Variants in MAP3K3 observed in about 807,000 individuals in gnomAD.
MAP3K3 encodes the protein MAP/ERK kinase kinase 3.
In MAP3K3, 12 loss-of-function variants were observed where a neutral mutation model predicts 80.9. The observed-to-expected ratio is 0.15, with a 90% CI of 0.10 to 0.24. The LOEUF (loss-of-function observed/expected upper bound fraction) is 0.24. Ranked by LOEUF, MAP3K3 falls within the 10% of genes least tolerant of loss-of-function variation. MAP3K3 has a pLI of 1.00. For missense variants in MAP3K3, 596 were observed against 834.7 expected (o/e 0.71, Z 3.52); for synonymous variants, 272 against 307.1 (o/e 0.89, Z 1.19).
At chr17:63,642,256 A>G (rs1334256266) in intron 2 of MAP3K3, among the ~76,000 whole-genome samples, 1 of 152,210 alleles carries the variant, frequency 6.6e-6, no homozygotes, top group African/African-American at 2.4e-5. Flanking sequence ...CCCTTTCTGA[A>G]TAAATTCATG....
chr17:63,626,071 G>A (rs1324312429), intron 1 of MAP3K3, among the ~76,000 whole-genome samples: 1 of 152,152 alleles, frequency 6.6e-6, no homozygotes, highest in African/African-American at 2.4e-5. Context: ...GAGAGACCCT[G>A]TCTCTAAAAC....
rs1219040411 is a variant in MAP3K3 at position 63,622,753 on chromosome 17, C to T, written c.-7C>T. On this transcript the variant is annotated 5_prime_UTR_variant, in exon 1 of 16. Transcript: ENST00000361733. ...GGACCTTAGCCACCGCCGCCGCCATCGCCACCATGGGTAAGTGTCGCCACC... is the reference window on the plus strand; with the variant it reads ...GGACCTTAGCCACCGCCGCCGCCATTGCCACCATGGGTAAGTGTCGCCACC... 1 of 528,178 alleles carries T rather than the reference C, an allele frequency of 1.9e-6. No individual in the cohort carries two copies. The highest frequency in any genetic ancestry group is 3.6e-6 in the Non-Finnish European group (1 of 274,650). The allele number at this position is 528,178 out of a possible 1,614,324, so 32.7% of individuals were successfully genotyped here.
intron 3 of MAP3K3, among the ~76,000 whole-genome samples, chr17:63,648,587 A>G (rs2034585831): frequency 6.6e-6 from 1 of 152,164 alleles, no homozygotes; most frequent in Non-Finnish European, 1.5e-5. Flanking sequence ...GCACTTTGGG[A>G]GGCTGAGGCG....
At chr17:63,626,470 G>C (rs1353605742) in intron 1 of MAP3K3, among the ~76,000 whole-genome samples, 1 of 152,122 alleles carries the variant, frequency 6.6e-6, no homozygotes, top group African/African-American at 2.4e-5. Context: ...GATATATATT[G>C]ATTCTTATGA....
chr17:63,692,557 TATTG>T lies in MAP3K3; in HGVS notation c.1652+139_1652+142del, dbSNP rs2035614729. ...CAGGCTGCAGTGTGTGCAAGGGTATTATTGGGTGCAGTAGCACACACACCACATG... is the reference window on the plus strand; with the variant it reads ...CAGGCTGCAGTGTGTGCAAGGGTATTGGTGCAGTAGCACACACACCACATG... On this transcript the variant is annotated intron_variant, in intron 15 of 15. Coordinates refer to ENST00000361733, the MANE Select transcript of MAP3K3 (RefSeq NM_002401.5). The surrounding 1 kb of genome is among the most constrained non-coding windows in gnomAD (Gnocchi z 4.5). 1 of 865,636 alleles carries T rather than the reference TATTG, an allele frequency of 1.2e-6. No homozygotes were observed. 53.6% of individuals were successfully genotyped at this position (865,636 alleles called of 1,614,324 possible). A position where few individuals can be genotyped will look rare whatever the true frequency, so the allele number is the denominator to read the frequency against.
chr17:63,669,114 G>A (rs986476585), intron 6 of MAP3K3, among the ~76,000 whole-genome samples: 1 of 152,214 alleles, frequency 6.6e-6, no homozygotes, highest in South Asian at 2.1e-4. Context: ...AATGGGCTGA[G>A]CCTGTGAGCG....
At chr17:63,625,386 T>C (rs1186596925) in intron 1 of MAP3K3, among the ~76,000 whole-genome samples, 2 of 152,236 alleles carry the variant, frequency 1.3e-5, no homozygotes, top group African/African-American at 4.8e-5. Flanking sequence ...TTAGTAATCA[T>C]AGTGGCAAAT....
intron 5 of MAP3K3, among the ~76,000 whole-genome samples, chr17:63,661,839 C>T (rs1446853623): frequency 1.3e-5 from 2 of 152,182 alleles, no homozygotes; most frequent in Non-Finnish European, 2.9e-5. Context: ...CGCGGTGGCT[C>T]ACGCCTGTAA....
At chr17:63,635,887 A>G (rs1312029428) in intron 2 of MAP3K3, among the ~76,000 whole-genome samples, 6 of 152,200 alleles carry the variant, frequency 3.9e-5, no homozygotes, top group African/African-American at 1.4e-4. Flanking sequence ...GAAATGTCTA[A>G]TTGGATTACA....
intron 1 of MAP3K3, among the ~76,000 whole-genome samples, chr17:63,625,476 G>A (rs1478126546): frequency 6.6e-6 from 1 of 152,112 alleles, no homozygotes; most frequent in Admixed American, 6.6e-5. Flanking sequence ...TGAAAAATAT[G>A]TAACAACTTG....
intron 3 of MAP3K3, among the ~76,000 whole-genome samples, chr17:63,650,051 C>T (rs1331158747): frequency 2.0e-5 from 3 of 152,198 alleles, no homozygotes; most frequent in East Asian, 1.9e-4. Context: ...ATACTGCTTG[C>T]TCCAACACAC....
intron 5 of MAP3K3, among the ~76,000 whole-genome samples, chr17:63,661,177 G>A (rs1220554109): frequency 6.6e-6 from 1 of 152,178 alleles, no homozygotes; most frequent in Non-Finnish European, 1.5e-5. Context: ...CTCCTGAGTA[G>A]CTGGGATTAC....
intron 1 of MAP3K3, among the ~76,000 whole-genome samples, chr17:63,623,443 T>C (rs73335884): frequency 0.013 from 1,987 of 152,328 alleles, 45 homozygotes; most frequent in African/African-American, 0.045. Flanking sequence ...AAAATCCCGT[T>C]GCAGGGGTTT....
Position 63,629,902 on chromosome 17 carries a change from C to T in MAP3K3, c.5-2779C>T, listed in dbSNP as rs111484952. On this transcript the variant is annotated intron_variant, in intron 1 of 15. Transcript: ENST00000361733. ...CCTGATAAACCAGCTCTTATAATAG[C>T]GTCATCTTATACAGAATTAGAAATG... is the stretch of plus-strand genomic sequence containing the variant. 9.2e-3 allele frequency among the ~76,000 whole-genome samples: 1,400 copies of T among 152,268 alleles called. 23 individuals are homozygous for T. The highest frequency in any genetic ancestry group is 0.031 in the African/African-American group (1,306 of 41,540).
intron 1 of MAP3K3, among the ~76,000 whole-genome samples, chr17:63,625,447 C>T (rs1165173874): frequency 6.6e-6 from 1 of 152,096 alleles, no homozygotes; most frequent in Non-Finnish European, 1.5e-5. Flanking sequence ...TAAACGCAGT[C>T]TGAAACTTTA....
Position 63,680,910 on chromosome 17 carries a change from CAA to C in MAP3K3, c.503-854_503-853del, listed in dbSNP as rs765873873. Among the ~76,000 whole-genome samples the C allele has an allele frequency of 2.8e-4, 42 of 150,818 alleles. 1 individual carries two copies. Among genetic ancestry groups the C allele is most frequent in the Admixed American group, 1.2e-3 (18 of 15,120 alleles). On this transcript the variant is annotated intron_variant, in intron 6 of 15. Coordinates refer to ENST00000361733, the MANE Select transcript of MAP3K3 (RefSeq NM_002401.5). ...TTGTTGAAAGGATTAAGTGAAGTAA[CAA>C]ATGTAAAAATACCTTGTGGAATGAT... is the stretch of plus-strand genomic sequence containing the variant.
At chr17:63,633,619 G>GA (rs1304842753) in intron 2 of MAP3K3, among the ~76,000 whole-genome samples, 1 of 152,070 alleles carries the variant, frequency 6.6e-6, no homozygotes, top group African/African-American at 2.4e-5. Context: ...GCTTCTTTAG[G>GA]AAAACATTGC....
At chr17:63,665,774 G>C (rs903069933) in intron 5 of MAP3K3, among the ~76,000 whole-genome samples, 2 of 152,210 alleles carry the variant, frequency 1.3e-5, no homozygotes, top group African/African-American at 4.8e-5. Context: ...TCCCGTTAGA[G>C]CAAGACAGTT....
intron 2 of MAP3K3, chr17:63,636,635 G>A (rs941949219): frequency 9.0e-6 from 2 of 222,288 alleles, no homozygotes; most frequent in Non-Finnish European, 1.9e-5. Context: ...CCTGGCCACA[G>A]GGACACAGCC....
Sources: gnomAD v4.1 joint callset for allele counts (sites outside exome capture counted in the v4.1 genomes callset) on GRCh38, gnomAD v4.1.1 for gene constraint, Gnocchi (gnomAD v3.1) non-coding constraint, MANE v1.5 for transcripts, NCBI Gene and HGNC (gene_info 2026-07-23, HGNC 2026-07-21) for gene names.